Variants in RBFOX1 observed in about 807,000 individuals in gnomAD.
The protein encoded by RBFOX1 is RNA binding protein fox-1 homolog 1.
A neutral mutation model predicts 57.7 loss-of-function variants in RBFOX1; 8 were observed. That is an observed-to-expected ratio of 0.14 (90% CI 0.08 to 0.25). The LOEUF is 0.25. Among genes scored for constraint, RBFOX1 ranks in the 10% least tolerant of loss-of-function variants. RBFOX1 has a pLI of 1.00. For synonymous variants in RBFOX1, 326 were observed against 222.4 expected (o/e 1.47, Z -4.15); for missense variants, 611 against 548.5 (o/e 1.11, Z -1.14).
chr16:7,524,625 T>C (rs537583084), intron 5 of RBFOX1, among the ~76,000 whole-genome samples: 2 of 152,302 alleles, frequency 1.3e-5, no homozygotes, highest in South Asian at 2.1e-4. Context: ...TAGGCCCTGA[T>C]TGGAGAAGGA....
chr16:6,897,627 A>G (rs142104074), intron 3 of RBFOX1, among the ~76,000 whole-genome samples: 211 of 152,148 alleles, frequency 1.4e-3, no homozygotes, highest in African/African-American at 5.0e-3. Context: ...CCCCATCTCT[A>G]TTAAAACAAA....
chr16:5,432,559 G>GTTT (rs35344614), intron 1 of RBFOX1, among the ~76,000 whole-genome samples: 79 of 94,188 alleles, frequency 8.4e-4, no homozygotes, highest in African/African-American at 2.0e-3. Context: ...TTGTTTGTTT[G>GTTT]TTTTTTTTTT....
chr16:6,945,889 C>T (rs960990233), intron 3 of RBFOX1, among the ~76,000 whole-genome samples: 14 of 152,114 alleles, frequency 9.2e-5, no homozygotes, highest in African/African-American at 3.4e-4. Context: ...AGACTCTCGT[C>T]CCCCACAAAA....
intron 2 of RBFOX1, among the ~76,000 whole-genome samples, chr16:6,452,637 G>A (rs1240188484): frequency 6.6e-6 from 1 of 152,186 alleles, no homozygotes; most frequent in South Asian, 2.1e-4. Context: ...AGAAAAATGG[G>A]CCCAGTTTAA....
chr16:6,875,718 G>A (rs912702771), intron 3 of RBFOX1, among the ~76,000 whole-genome samples: 9 of 152,126 alleles, frequency 5.9e-5, no homozygotes, highest in South Asian at 2.1e-4. Flanking sequence ...ATGAATCAGC[G>A]CCACATCTGG....
chr16:6,290,354 G>A (rs1195503665), intron 1 of RBFOX1, among the ~76,000 whole-genome samples: 1 of 151,154 alleles, frequency 6.6e-6, no homozygotes, highest in Non-Finnish European at 1.5e-5. Context: ...AAGACATTTA[G>A]AAATTTGTAA....
chr16:7,238,441 C>T (rs2152956534), intron 4 of RBFOX1, among the ~76,000 whole-genome samples: 1 of 152,274 alleles, frequency 6.6e-6, no homozygotes, highest in African/African-American at 2.4e-5. Flanking sequence ...CTTTTTGCTT[C>T]CACAGAGCCT....
intron 3 of RBFOX1, among the ~76,000 whole-genome samples, chr16:6,896,142 G>T (rs1226781498): frequency 6.6e-6 from 1 of 151,984 alleles, no homozygotes; most frequent in Admixed American, 6.6e-5. Context: ...CATTGGTGGT[G>T]GGTGTCTGTA....
intron 4 of RBFOX1, among the ~76,000 whole-genome samples, chr16:7,202,090 T>C: frequency 6.6e-6 from 1 of 152,076 alleles, no homozygotes; most frequent in Non-Finnish European, 1.5e-5. Context: ...AAAATCAATA[T>C]GGGTTACTCA....
In RBFOX1 at chr16:6,794,056, C is replaced by G. The variant is rs115855985; in HGVS notation, c.-16+139406C>G. Among the ~76,000 whole-genome samples the G allele has an allele frequency of 2.4e-4, 36 of 152,164 alleles. 1 individual carries two copies. The highest frequency in any genetic ancestry group is 8.7e-4 in the African/African-American group (36 of 41,520). On this transcript the variant is annotated intron_variant, in intron 3 of 15. Coordinates refer to ENST00000550418, the MANE Select transcript of RBFOX1 (RefSeq NM_018723.4). ...TAGGGAATTTCTATCAAACAGGAGTCAACATACTGCCCAATAACATCTGAA... is the reference window on the plus strand; with the variant it reads ...TAGGGAATTTCTATCAAACAGGAGTGAACATACTGCCCAATAACATCTGAA...
chr16:7,702,985 C>A (rs879746531), intron 14 of RBFOX1, among the ~76,000 whole-genome samples: 1 of 152,176 alleles, frequency 6.6e-6, no homozygotes, highest in Admixed American at 6.5e-5. Context: ...TGCCCCAGAG[C>A]ACCCCAACCA....
At chr16:6,232,356 G>C (rs190964922) in intron 1 of RBFOX1, among the ~76,000 whole-genome samples, 1 of 152,312 alleles carries the variant, frequency 6.6e-6, no homozygotes, top group African/African-American at 2.4e-5. Flanking sequence ...TCTCAAAGAA[G>C]GGAGGGCTTC....
chr16:6,872,854 A>G (rs1390962669), intron 3 of RBFOX1, among the ~76,000 whole-genome samples: 3 of 152,228 alleles, frequency 2.0e-5, no homozygotes, highest in Admixed American at 6.5e-5. Flanking sequence ...AACAGAATAT[A>G]ACAATTCAAA....
At chr16:5,702,554 T>C (rs1039777583) in intron 3 of RBFOX1, among the ~76,000 whole-genome samples, 1 of 152,246 alleles carries the variant, frequency 6.6e-6, no homozygotes, top group African/African-American at 2.4e-5. Flanking sequence ...TTTCCCCTAA[T>C]AGCCCTGGAG....
At chr16:7,224,136 A>AAAAG (rs2092937125) in intron 4 of RBFOX1, among the ~76,000 whole-genome samples, 1 of 141,354 alleles carries the variant, frequency 7.1e-6, no homozygotes, top group African/African-American at 2.8e-5. Context: ...CTAAAAAAAA[A>AAAAG]AAAAAAAAAA....
At chr16:6,594,247 A>T (rs1381258556) in intron 2 of RBFOX1, among the ~76,000 whole-genome samples, 1 of 152,204 alleles carries the variant, frequency 6.6e-6, no homozygotes, top group African/African-American at 2.4e-5. Context: ...CTGCTAAATG[A>T]AGAAGGAAAC....
intron 4 of RBFOX1, among the ~76,000 whole-genome samples, chr16:7,496,756 AAAAC>A (rs386384142): frequency 6.6e-6 from 1 of 151,762 alleles, no homozygotes; most frequent in Admixed American, 6.6e-5. Flanking sequence ...AGAAAAAAAA[AAAAC>A]AGTTTGCATT....
intron 2 of RBFOX1, among the ~76,000 whole-genome samples, chr16:5,556,715 G>A (rs1258630197): frequency 6.6e-6 from 1 of 152,200 alleles, no homozygotes; most frequent in Admixed American, 6.5e-5. Flanking sequence ...TCTGAAGAAT[G>A]TTCCTTGGGA....
intron 4 of RBFOX1, among the ~76,000 whole-genome samples, chr16:7,359,808 C>A (rs1273759737): frequency 6.6e-6 from 1 of 152,078 alleles, no homozygotes; most frequent in South Asian, 2.1e-4. Flanking sequence ...CATGGTGAAA[C>A]CCCGTCTCTA....
Sources: allele counts gnomAD v4.1 joint callset (sites outside exome capture counted in the v4.1 genomes callset), GRCh38; gene constraint gnomAD v4.1.1; transcripts MANE v1.5; gene names NCBI Gene and HGNC (gene_info 2026-07-23, HGNC 2026-07-21).